Variants in DDX27 observed in about 807,000 individuals in gnomAD.
DDX27 encodes the protein probable ATP-dependent RNA helicase DDX27.
A neutral mutation model predicts 99.3 loss-of-function variants in DDX27; 42 were observed. That is an observed-to-expected ratio of 0.42 (90% CI 0.33 to 0.55). The LOEUF is 0.55. Ranked by LOEUF, DDX27 falls within the 20% of genes least tolerant of loss-of-function variation. The pLI, the probability that DDX27 is intolerant of heterozygous loss-of-function variation, is 0.07. For missense variants in DDX27, 798 were observed against 976.8 expected (o/e 0.82, Z 2.44); for synonymous variants, 329 against 353.8 (o/e 0.93, Z 0.79).
chr20:49,228,206 G>A (rs111745414), intron 7 of DDX27, among the ~76,000 whole-genome samples: 12 of 151,256 alleles, frequency 7.9e-5, no homozygotes, highest in East Asian at 3.9e-4. Context: ...GCAGTGGTGC[G>A]TTCTCAGCTC....
intron 10 of DDX27, 76 bp downstream of exon 10, chr20:49,233,481 T>C (rs1980195619): frequency 2.5e-6 from 4 of 1,601,464 alleles, no homozygotes; most frequent in Non-Finnish European, 3.4e-6. Context: ...TGGCTGGGCT[T>C]GAGGGGGTTT....
intron 6 of DDX27, 43 bp from the exon 7 acceptor site, chr20:49,226,387 T>G (rs138708775): frequency 3.2e-5 from 49 of 1,528,978 alleles, no homozygotes; most frequent in Middle Eastern, 3.4e-4. Context: ...GTGCTGAGAC[T>G]TCCCCCGCTC....
At chr20:49,237,168 TA>T (rs1327025234) in intron 14 of DDX27, among the ~76,000 whole-genome samples, 107 of 146,024 alleles carry the variant, frequency 7.3e-4, no homozygotes, top group Admixed American at 6.2e-4. Flanking sequence ...TGCCTGTCTC[TA>T]AAAAAAAAAA....
At chr20:49,232,315 A>C (rs1052322258) in intron 9 of DDX27, among the ~76,000 whole-genome samples, 1 of 152,182 alleles carries the variant, frequency 6.6e-6, no homozygotes, top group Non-Finnish European at 1.5e-5. Flanking sequence ...TGGTTCTTGC[A>C]CTAAAACAAA....
intron 8 of DDX27, among the ~76,000 whole-genome samples, chr20:49,229,986 CATT>C (rs2047255510): frequency 6.6e-6 from 1 of 152,168 alleles, no homozygotes; most frequent in East Asian, 1.9e-4. Context: ...GTGTCATCAT[CATT>C]GTTGATTTTT....
chr20:49,243,398 G>A (rs1424944231), intron 19 of DDX27, among the ~76,000 whole-genome samples: 3 of 152,176 alleles, frequency 2.0e-5, no homozygotes, highest in Non-Finnish European at 4.4e-5. Flanking sequence ...AGCTTCCCAA[G>A]TAGTGGTATA....
chr20:49,232,113 C>T (rs1257447500), intron 9 of DDX27, among the ~76,000 whole-genome samples: 1 of 152,056 alleles, frequency 6.6e-6, no homozygotes. Flanking sequence ...TCTTGAACTC[C>T]TGGGCTTAAG....
At position 49,228,780 on chromosome 20, in the gene DDX27, G is replaced by C; in HGVS notation, c.772G>C (p.Val258Leu). 6.2e-7 allele frequency: 1 copy of C among 1,613,374 alleles called. No individual in the cohort carries two copies. The highest frequency in any genetic ancestry group is 1.3e-5 in the African/African-American group (1 of 74,992). ...GATTTATAAACCCCGCCAGGCTCCA[G>C]TCACCCGCGTGCTGGTGCTAGTGCC... ...RLIYKPRQAP[V>L]TRVLVLVPTR... Residue 258 changes from valine to leucine, a missense_variant, in exon 8 of 21, where the codon GTC becomes CTC. Transcript: ENST00000618172.
chr20:49,233,403 G>A lies in DDX27; in HGVS notation c.1129G>A (p.Glu377Lys), dbSNP rs745585270. The A allele has an allele frequency of 2.5e-6, 4 of 1,613,764 alleles. No homozygotes were observed. The highest frequency in any genetic ancestry group is 3.3e-5 in the Admixed American group (2 of 60,008). Residue 377 changes from glutamate (E) to lysine (K), a missense_variant and splice_region_variant, in exon 10 of 21, where the codon GAG becomes AAG. Glu to Lys is a moderately conservative substitution (Grantham distance 56). This residue lies in a region of DDX27 where 553 missense variants were observed against 727.9 expected (regional missense o/e 0.76). Transcript: ENST00000618172. ...TMLFSATMTD[E>K]VKDLASVSLK... The stretch of plus-strand genomic sequence containing the variant: ...GCTCTTCTCGGCCACCATGACAGAC[G>A]AGGTGGGCCGAGGGACTTCTCTGTG...
intron 9 of DDX27, among the ~76,000 whole-genome samples, chr20:49,231,742 C>T (rs570571556): frequency 3.4e-4 from 52 of 152,266 alleles, no homozygotes; most frequent in East Asian, 1.2e-3. Context: ...ACAAACCGGC[C>T]GTCAGTATCT....
chr20:49,231,364 C>T (rs965547393), intron 9 of DDX27, among the ~76,000 whole-genome samples: 2 of 152,114 alleles, frequency 1.3e-5, no homozygotes, highest in African/African-American at 4.8e-5. Context: ...GCTGACTCCC[C>T]CAGAACAGAA....
rs1234425820 is a variant in DDX27, at chr20:49,241,771, G to A, written c.1898-122G>A. 5.4e-6 allele frequency: 6 copies of A among 1,115,298 alleles called. No homozygotes were observed. The East Asian group carries it at 1.5e-4, about 28-fold the overall frequency. 69.1% of individuals were successfully genotyped at this position (1,115,298 alleles called of 1,614,324 possible). On this transcript the variant is annotated intron_variant, in intron 16 of 20. Coordinates refer to ENST00000618172, the MANE Select transcript of DDX27 (RefSeq NM_017895.8). ...GGCACGAGCTACTGCACTCGGCCAA[G>A]AAGTGCTTGCCGCTTTTCATTTTAA... is the stretch of plus-strand genomic sequence containing the variant.
intron 11 of DDX27, chr20:49,234,036 C>G: frequency 3.5e-6 from 1 of 283,118 alleles, no homozygotes; most frequent in South Asian, 8.4e-5. Context: ...TGCTTCCACT[C>G]GGCCTTTTGT....
rs238148 is a variant in DDX27, at chr20:49,233,645, C to T, written c.1209C>T (p.Phe403=). 0.74 allele frequency: 1,200,936 copies of T among 1,613,820 alleles called. 451,570 individuals carry two copies. Among genetic ancestry groups the T allele is most frequent in the Non-Finnish European group, 0.78 (914,573 of 1,179,942 alleles). The change falls in exon 11 of 21, where the codon TTC becomes TTT. Residue 403 remains phenylalanine (F), a synonymous_variant. Transcript: ENST00000618172. The part of the protein sequence containing the change: ...FVNSNTDVAP[F]LRQEFIRIRP... ...ACAGCAACACAGATGTGGCTCCCTT[C>T]CTGCGGCAGGAGTTCATCCGGATCC...
chr20:49,238,911 C>T, intron 14 of DDX27, 38 bp from the exon 15 acceptor site: 1 of 1,512,414 alleles, frequency 6.6e-7, no homozygotes, highest in East Asian at 2.3e-5. Flanking sequence ...GCCTGGCCTA[C>T]CCTTATTTGT....
chr20:49,233,842 C>T (rs1980212927), intron 11 of DDX27, 133 bp downstream of exon 11: 1 of 963,900 alleles, frequency 1.0e-6, no homozygotes, highest in Admixed American at 2.5e-5. Flanking sequence ...CTGCACTGCA[C>T]TAATGATGAT....
Position 49,239,279 on chromosome 20 carries a change from T to C in DDX27, c.1838T>C (p.Val613Ala). Residue 613 changes from valine to alanine, a missense_variant, in exon 16 of 21, where the codon GTG becomes GCG. Val to Ala is a moderately conservative substitution (Grantham distance 64). Transcript: ENST00000618172. ...KRLLEKGKEA[V>A]VQEPERSWFQ... ...CTCCTGGAGAAGGGGAAGGAGGCAG[T>C]GGTCCAAGAGCCCGAGAGGAGCTGG... is the stretch of plus-strand genomic sequence containing the variant. 6.2e-7 allele frequency: 1 copy of C among 1,614,066 alleles called. No homozygotes were observed.
intron 7 of DDX27, among the ~76,000 whole-genome samples, chr20:49,227,992 C>T (rs1323684686): frequency 1.3e-5 from 2 of 151,940 alleles, no homozygotes; most frequent in Admixed American, 6.6e-5. Context: ...AGATACACGC[C>T]ACCATGCCCG....
chr20:49,242,796 A>C, intron 19 of DDX27, 115 bp downstream of exon 19: 4 of 975,890 alleles, frequency 4.1e-6, no homozygotes, highest in Non-Finnish European at 6.2e-6. Context: ...ATCTTAGCTC[A>C]CTGCAAGCTC....
Sources: allele counts gnomAD v4.1 joint callset (sites outside exome capture counted in the v4.1 genomes callset), GRCh38; gene constraint gnomAD v4.1.1; regional missense constraint gnomAD v4.1.1; transcripts MANE v1.5; gene names NCBI Gene and HGNC (gene_info 2026-07-23, HGNC 2026-07-21).